The following WNK2 variants were observed in gnomAD, a reference collection of about 807,000 sequenced individuals.
WNK2 encodes WNK lysine deficient protein kinase 2.
In WNK2, 67 loss-of-function variants were observed where a neutral mutation model predicts 192.1. The ratio of observed to expected loss-of-function variants is 0.35; its 90% CI spans 0.29 to 0.43. The LOEUF (loss-of-function observed/expected upper bound fraction) is 0.43, where lower values mean the gene tolerates loss of function less well. Ranked by LOEUF, WNK2 falls within the 20% of genes least tolerant of loss-of-function variation. The probability of loss-of-function intolerance (pLI) is 1.00; values close to 1 mark genes in which losing one functional copy is unlikely to be tolerated. For synonymous variants in WNK2, 1,439 were observed against 1,393.9 expected (o/e 1.03, Z -0.72); for missense variants, 2,698 against 3,089.7 (o/e 0.87, Z 3.01).
Position 93,197,138 on chromosome 9 carries a change from G to A in WNK2, c.681+11528G>A, listed in dbSNP as rs977712182. Among the ~76,000 whole-genome samples, 4 of 152,356 alleles carry A rather than the reference G, an allele frequency of 2.6e-5. No homozygotes were observed. The East Asian group carries it at 7.7e-4, about 29-fold the overall frequency. The stretch of plus-strand genomic sequence containing the variant: ...CTTTGGAAAAACCAACAGAGAAGTT[G>A]GAGTTACCAGTTGTTAGTGTTTACC... On this transcript the variant is annotated intron_variant, in intron 2 of 29. Transcript: ENST00000427277.
rs770113582 is a variant in WNK2, at chr9:93,267,832, C to T, written c.3783C>T (p.Leu1261=). ...KDVMDKAEDM[L]SEDTDADRGS... ...TCATGGACAAGGCAGAGGACATGCT[C>T]AGCGAGGACACAGACGCCGACCGTG... Residue 1261 remains leucine, a synonymous_variant, in exon 17 of 30, where the codon CTC becomes CTT. Coordinates refer to ENST00000427277, the MANE Select transcript of WNK2 (RefSeq NM_006648.4). The T allele has an allele frequency of 1.2e-6, 2 of 1,612,644 alleles. No homozygotes were observed. The highest frequency in any genetic ancestry group is 1.3e-5 in the African/African-American group (1 of 75,042).
intron 2 of WNK2, among the ~76,000 whole-genome samples, chr9:93,227,928 A>G (rs1468775299): frequency 6.6e-6 from 1 of 152,234 alleles, no homozygotes. Context: ...GCTGGTTAGG[A>G]AGGGCAGTCC....
rs564920084 is a variant in WNK2, at chr9:93,236,582, AGCAGATT to A, written c.1233+1621_1233+1627del. On this transcript the variant is annotated intron_variant, in intron 5 of 29. Transcript: ENST00000427277. ...CTCCACTTCCAACACAAAACAACCT[AGCAGATT>A]GCAAGCAGCACCTGGCCCCGCCCTG... Among the ~76,000 whole-genome samples, 707 of 152,352 alleles carry A rather than the reference AGCAGATT, an allele frequency of 4.6e-3. 2 individuals are homozygous for A. The highest frequency in any genetic ancestry group is 5.6e-3 in the Non-Finnish European group (384 of 68,038).
At chr9:93,305,478 G>T (rs1588593690) in intron 26 of WNK2, among the ~76,000 whole-genome samples, 1 of 152,336 alleles carries the variant, frequency 6.6e-6, no homozygotes, top group South Asian at 2.1e-4. Context: ...AGAGCCCACT[G>T]GTCTGGATCC....
rs74364826 is a variant in WNK2 at position 93,314,896 on chromosome 9, G to C, written c.6517-2624G>C. 2.7e-4 allele frequency among the ~76,000 whole-genome samples: 41 copies of C among 152,198 alleles called. No homozygotes were observed. In the East Asian group the frequency reaches 3.9e-3, roughly 14 times the overall value. On this transcript the variant is annotated intron_variant, in intron 28 of 29. Coordinates refer to ENST00000427277, the MANE Select transcript of WNK2 (RefSeq NM_006648.4). ...CTCTCTGGGGAGGCTTTCCCGGGGG[G>C]GGTTTTGCTGAAGCTTTGGCTAACA...
intron 2 of WNK2, among the ~76,000 whole-genome samples, chr9:93,210,857 T>C (rs959230902): frequency 1.3e-5 from 2 of 152,188 alleles, no homozygotes; most frequent in African/African-American, 4.8e-5. Context: ...CCTTTGGGTC[T>C]CAAGGGTGTG....
At chr9:93,282,279 A>G (rs750529338) in intron 19 of WNK2, among the ~76,000 whole-genome samples, 11 of 93,164 alleles carry the variant, frequency 1.2e-4, no homozygotes, top group Non-Finnish European at 2.6e-4. Flanking sequence ...AGAATAGCAG[A>G]TAACCTCCAC....
rs762557499 is a variant in WNK2, at chr9:93,289,102, G to A, written c.4348G>A (p.Val1450Met). 4.4e-6 allele frequency: 7 copies of A among 1,608,558 alleles called. No individual in the cohort carries two copies. Among genetic ancestry groups the A allele is most frequent in the Middle Eastern group, 1.7e-4 (1 of 6,046 alleles). Residue 1450 changes from valine (V) to methionine (M), a missense_variant, in exon 20 of 30, where the codon GTG becomes ATG. Around this residue, in one of 7 missense-constraint regions of WNK2, gnomAD observed 1,098 missense variants for 1,101.0 expected, o/e 1.00. Coordinates refer to ENST00000427277, the MANE Select transcript of WNK2 (RefSeq NM_006648.4). ...HEAPLAVQPL[V>M]VGLAPCTPAP... The stretch of plus-strand genomic sequence containing the variant: ...GGCCCCGCTTGCTGTGCAGCCCCTC[G>A]TGGTGGGCCTAGCACCTTGCACTCC...
Position 93,278,955 on chromosome 9 carries a change from A to G in WNK2, c.4034-9833A>G, listed in dbSNP as rs147670609. On this transcript the variant is annotated intron_variant, in intron 19 of 29. Transcript: ENST00000427277. Reference sequence around the variant, plus strand: ...CAACAATTATAAACATCTTCAGAAGACTTGGAATCGAAAGGAACTTCCTCA... The same window carrying G: ...CAACAATTATAAACATCTTCAGAAGGCTTGGAATCGAAAGGAACTTCCTCA... 7.7e-3 allele frequency among the ~76,000 whole-genome samples: 1,168 copies of G among 152,358 alleles called. 8 individuals are homozygous for G. The highest frequency in any genetic ancestry group is 0.018 in the African/African-American group (768 of 41,578).
In WNK2 at chr9:93,253,012, C is replaced by T. The variant is rs1045588032; in HGVS notation, c.1964C>T (p.Pro655Leu). The change falls in exon 9 of 30, where the codon CCT becomes CTT. Residue 655 changes from proline (P) to leucine (L), a missense_variant. This residue lies in a region of WNK2 where 893 missense variants were observed against 909.0 expected (regional missense o/e 0.98). Transcript: ENST00000427277. ...PSPAQCVCSPPVSEGPVLPQS... is the reference protein window; with the variant it reads ...PSPAQCVCSPLVSEGPVLPQS... ...CCGGCCCAGTGTGTGTGCAGCCCCC[C>T]TGTGAGCGAGGGGCCCGTCCTGCCG... 6.4e-6 allele frequency: 10 copies of T among 1,556,396 alleles called. No individual in the cohort carries two copies. In the African/African-American group the frequency reaches 6.8e-5, roughly 11 times the overall value.
rs1424808931 is a variant in WNK2 at position 93,239,798 on chromosome 9, A to G, written c.1364A>G (p.Glu455Gly). The change falls in exon 7 of 30, where the codon GAG becomes GGG. Residue 455 changes from glutamate (E) to glycine (G), a missense_variant. By Grantham distance (98) the Glu-to-Gly change is moderately conservative. Coordinates refer to ENST00000427277, the MANE Select transcript of WNK2 (RefSeq NM_006648.4). The surrounding 1 kb of genome is among the most constrained non-coding windows in gnomAD (Gnocchi z 4.2). ...CTGCTGAGCCACGCCTTCTTCGCAG[A>G]GGACACAGGCGTGAGGGTGGAGCTC... Reference protein sequence around the residue: ...KDLLSHAFFAEDTGVRVELAE... With the variant: ...KDLLSHAFFAGDTGVRVELAE... 6.4e-7 allele frequency: 1 copy of G among 1,574,502 alleles called. No individual in the cohort carries two copies. Among genetic ancestry groups the G allele is most frequent in the Non-Finnish European group, 8.6e-7 (1 of 1,160,458 alleles).
intron 28 of WNK2, among the ~76,000 whole-genome samples, chr9:93,310,465 A>AT (rs1853451827): frequency 6.6e-6 from 1 of 152,072 alleles, no homozygotes; most frequent in African/African-American, 2.4e-5. Context: ...ATATATATAT[A>AT]AAACACAAAA....
At chr9:93,238,020 A>G (rs573128688) in intron 5 of WNK2, among the ~76,000 whole-genome samples, 23 of 152,274 alleles carry the variant, frequency 1.5e-4, no homozygotes, top group East Asian at 1.2e-3. Flanking sequence ...AGCTGGGGCC[A>G]TGGGAGATTG....
chr9:93,191,176 G>A (rs1231215747), intron 2 of WNK2, among the ~76,000 whole-genome samples: 3 of 152,076 alleles, frequency 2.0e-5, no homozygotes, highest in Non-Finnish European at 4.4e-5. Context: ...CCTGAGAGTT[G>A]CATCCCCCCA....
At chr9:93,283,198 T>C (rs746956386) in intron 19 of WNK2, among the ~76,000 whole-genome samples, 40 of 152,158 alleles carry the variant, frequency 2.6e-4, no homozygotes, top group Non-Finnish European at 4.9e-4. Context: ...AATGCATATA[T>C]TGGACAGGAG....
chr9:93,306,895 T>C, intron 27 of WNK2, 74 bp downstream of exon 27: 4 of 1,604,014 alleles, frequency 2.5e-6, no homozygotes, highest in Non-Finnish European at 3.4e-6. Flanking sequence ...CACATCAGGG[T>C]TCCCGCGGCC....
intron 2 of WNK2, among the ~76,000 whole-genome samples, chr9:93,208,640 A>C (rs922887530): frequency 4.5e-4 from 2 of 4,462 alleles, no homozygotes; most frequent in African/African-American, 1.8e-3. Context: ...CTCCATGTGC[A>C]CATGTTCTGT....
At chr9:93,252,442 G>T (rs1265665848) in intron 8 of WNK2, among the ~76,000 whole-genome samples, 1 of 152,260 alleles carries the variant, frequency 6.6e-6, no homozygotes, top group Non-Finnish European at 1.5e-5. Context: ...GTGTGTTGAA[G>T]GTGGTCAGAG....
chr9:93,313,656 A>C (rs114671754), intron 28 of WNK2, among the ~76,000 whole-genome samples: 1 of 152,134 alleles, frequency 6.6e-6, no homozygotes, highest in East Asian at 1.9e-4. Context: ...TCATATTCTT[A>C]TATTTTCATA....
Sources: allele counts gnomAD v4.1 joint callset (sites outside exome capture counted in the v4.1 genomes callset), GRCh38; gene constraint gnomAD v4.1.1; regional missense constraint gnomAD v4.1.1; non-coding constraint Gnocchi (gnomAD v3.1); transcripts MANE v1.5; gene names NCBI Gene and HGNC (gene_info 2026-07-23, HGNC 2026-07-21).